SV2B: variants seen among roughly 807,000 people sequenced by gnomAD.
SV2B encodes solute carrier family 22 member B2.
A neutral mutation model predicts 73.9 loss-of-function variants in SV2B; 41 were observed. The observed-to-expected ratio is 0.56, with a 90% CI of 0.43 to 0.72. The LOEUF is 0.72. Ranked by LOEUF, SV2B falls within the 30% of genes least tolerant of loss-of-function variation. The pLI, the probability that SV2B is intolerant of heterozygous loss-of-function variation, is 0.00. For missense variants in SV2B, 764 were observed against 857.8 expected (o/e 0.89, Z 1.37); for synonymous variants, 314 against 314.2 (o/e 1.00, Z 0.01).
intron 1 of SV2B, among the ~76,000 whole-genome samples, chr15:91,209,902 C>A (rs1434320041): frequency 6.6e-6 from 1 of 152,228 alleles, no homozygotes; most frequent in African/African-American, 2.4e-5. Context: ...AAACACTAGG[C>A]TTTAGCACTA....
At chr15:91,277,793 A>G (rs2048541868) in intron 9 of SV2B, among the ~76,000 whole-genome samples, 1 of 152,178 alleles carries the variant, frequency 6.6e-6, no homozygotes, top group Non-Finnish European at 1.5e-5. Flanking sequence ...TTATATATGA[A>G]TTTGTTCTAC....
At position 91,266,657 on chromosome 15, in the gene SV2B, C is replaced by T. The variant is rs764917348; in HGVS notation, c.1084C>T (p.Arg362Cys). ...IQSSTGTWYQ[R>C]WLVRFKTIFK... ...AAGTTCAACAGGAACCTGGTACCAG[C>T]GCTGGCTGGTCAGATTCAAGACCAT... is the stretch of plus-strand genomic sequence containing the variant. Residue 362 changes from arginine to cysteine, a missense_variant, in exon 7 of 13, where the codon CGC becomes TGC. Arg to Cys is a radical substitution (Grantham distance 180). Transcript: ENST00000394232. 23 of 1,614,026 alleles carry T rather than the reference C, an allele frequency of 1.4e-5. No individual in the cohort carries two copies. Among genetic ancestry groups the T allele is most frequent in the East Asian group, 4.5e-5 (2 of 44,880 alleles).
Position 91,111,494 on chromosome 15 carries a change from A to G in SV2B, c.-392+11131A>G, listed in dbSNP as rs187016217. ...GAGAGTGAGGCTGGAAGCCGTTGCTATTGCTGCATGAGGAAAGAAGACGGG... is the reference window on the plus strand; with the variant it reads ...GAGAGTGAGGCTGGAAGCCGTTGCTGTTGCTGCATGAGGAAAGAAGACGGG... On this transcript the variant is annotated intron_variant, in intron 1 of 12. Transcript: ENST00000394232. 2.0e-5 allele frequency among the ~76,000 whole-genome samples: 3 copies of G among 152,270 alleles called. No individual in the cohort carries two copies. The East Asian group carries it at 5.8e-4, about 29-fold the overall frequency.
intron 1 of SV2B, among the ~76,000 whole-genome samples, chr15:91,199,540 T>C (rs1029337527): frequency 6.6e-6 from 1 of 152,192 alleles, no homozygotes. Context: ...TCTGGGCAGA[T>C]GTTAGGCCCT....
At chr15:91,161,597 A>C (rs556807580) in intron 1 of SV2B, among the ~76,000 whole-genome samples, 2 of 152,206 alleles carry the variant, frequency 1.3e-5, no homozygotes, top group African/African-American at 4.8e-5. Context: ...TCTCACAACA[A>C]CACTGGGATG....
chr15:91,248,528 A>G (rs2047346752), intron 2 of SV2B, among the ~76,000 whole-genome samples: 1 of 152,234 alleles, frequency 6.6e-6, no homozygotes, highest in Admixed American at 6.5e-5. Flanking sequence ...TAATCGGTTT[A>G]TAAATGAGGT....
At position 91,106,882 on chromosome 15, in the gene SV2B, C is replaced by G. The variant is rs777751914; in HGVS notation, c.-392+6519C>G. On this transcript the variant is annotated intron_variant, in intron 1 of 12. Coordinates refer to ENST00000394232, the MANE Select transcript of SV2B (RefSeq NM_001323032.3). This position sits in a 1 kb window ranked among gnomAD's most constrained non-coding sequence, Gnocchi z 4.4. ...TCTACAGTAGCTTGCATAATGTGTT[C>G]CTGTTTATAAAAGGAAGAAATAGGG... 6.6e-6 allele frequency among the ~76,000 whole-genome samples: 1 copy of G among 152,078 alleles called. No individual in the cohort carries two copies. Among genetic ancestry groups the G allele is most frequent in the Non-Finnish European group, 1.5e-5 (1 of 68,012 alleles).
rs2042140592 is a variant in SV2B, at chr15:91,115,084, T to A, written c.-392+14721T>A. Among the ~76,000 whole-genome samples the A allele has an allele frequency of 6.6e-6, 1 of 151,760 alleles. No individual in the cohort carries two copies. The highest frequency in any genetic ancestry group is 1.5e-5 in the Non-Finnish European group (1 of 67,950). ...AGTTTCTTAAAGGAACACTGGAGAG[T>A]TGTTACTGAAAGAAGGGGACATAGG... On this transcript the variant is annotated intron_variant, in intron 1 of 12. Coordinates refer to ENST00000394232, the MANE Select transcript of SV2B (RefSeq NM_001323032.3). The surrounding 1 kb of genome is among the most constrained non-coding windows in gnomAD (Gnocchi z 4.3).
Position 91,252,440 on chromosome 15 carries a change from A to T in SV2B, c.704A>T (p.His235Leu). 6.2e-7 allele frequency: 1 copy of T among 1,612,944 alleles called. No homozygotes were observed. Among genetic ancestry groups the T allele is most frequent in the Non-Finnish European group, 8.5e-7 (1 of 1,179,500 alleles). ...EFLSREKRGE[H>L]LSWLGIFWMT... ...TTGTCTCGGGAGAAGCGAGGAGAAC[A>T]CCTCAGTTGGCTGGGCATCTTCTGG... The change falls in exon 4 of 13, where the codon CAC (histidine) becomes CTC (leucine). Residue 235 changes from histidine (H) to leucine (L), a missense_variant. Physicochemically the swap from His to Leu is moderately conservative, Grantham distance 99. Transcript: ENST00000394232. This position sits in a 1 kb window ranked among gnomAD's most constrained non-coding sequence, Gnocchi z 4.6.
chr15:91,267,474 A>T lies in SV2B; in HGVS notation c.1120-81A>T. 1 of 1,253,836 alleles carries T rather than the reference A, an allele frequency of 8.0e-7. No homozygotes were observed. The highest frequency in any genetic ancestry group is 1.1e-6 in the Non-Finnish European group (1 of 870,352). 77.7% of individuals were successfully genotyped at this position (1,253,836 alleles called of 1,614,324 possible). A position where few individuals can be genotyped will look rare whatever the true frequency, so the allele number is the denominator to read the frequency against. ...GGGTTCCTAGGCAACTTATTAGAAT[A>T]TCTGAGTAATGAGCTCTTCGTGGGA... On this transcript the variant is annotated intron_variant, in intron 7 of 12. Transcript: ENST00000394232. This position sits in a 1 kb window ranked among gnomAD's most constrained non-coding sequence, Gnocchi z 4.3.
intron 1 of SV2B, among the ~76,000 whole-genome samples, chr15:91,217,610 G>A (rs1035769600): frequency 1.3e-5 from 2 of 151,240 alleles, no homozygotes; most frequent in East Asian, 1.9e-4. Flanking sequence ...AAAACAAATG[G>A]CTAATCAGCT....
rs1367075308 is a variant in SV2B, at chr15:91,288,020, C to T, written c.1709-1501C>T. On this transcript the variant is annotated intron_variant, in intron 11 of 12. Transcript: ENST00000394232. This position sits in a 1 kb window ranked among gnomAD's most constrained non-coding sequence, Gnocchi z 5.8. ...GGGGAGGAGTTGGGGAGGGGTACTC[C>T]AGCCACCTTCCCCTCCCAACTGATA... Among the ~76,000 whole-genome samples the T allele has an allele frequency of 1.3e-5, 2 of 152,120 alleles. No homozygotes were observed. Among genetic ancestry groups the T allele is most frequent in the African/African-American group, 4.8e-5 (2 of 41,408 alleles).
chr15:91,159,668 G>A (rs949701748), intron 1 of SV2B, among the ~76,000 whole-genome samples: 3 of 152,098 alleles, frequency 2.0e-5, no homozygotes, highest in African/African-American at 7.2e-5. Context: ...TGTTATCATG[G>A]CATCATTTGA....
chr15:91,164,235 A>C (rs917117408), intron 1 of SV2B, among the ~76,000 whole-genome samples: 1 of 152,194 alleles, frequency 6.6e-6, no homozygotes, highest in Non-Finnish European at 1.5e-5. Flanking sequence ...TCTTTGCAGA[A>C]CTGGAAAAAA....
chr15:91,302,130 T>C lies in SV2B; in HGVS notation c.*9578T>C, dbSNP rs186590721. Among the ~76,000 whole-genome samples the C allele has an allele frequency of 1.3e-5, 2 of 152,356 alleles. No individual in the cohort carries two copies. The highest frequency in any genetic ancestry group is 2.1e-4 in the South Asian group (1 of 4,828). On this transcript the variant is annotated 3_prime_UTR_variant, in exon 13 of 13. Coordinates refer to ENST00000394232, the MANE Select transcript of SV2B (RefSeq NM_001323032.3). ...CCTAATAAAACCCTCATTTTCCCTA[T>C]GCATTGTGACTAACACAGTATTTGA...
chr15:91,108,662 G>A (rs1392596863), intron 1 of SV2B, among the ~76,000 whole-genome samples: 1 of 152,202 alleles, frequency 6.6e-6, no homozygotes, highest in Non-Finnish European at 1.5e-5. Flanking sequence ...GTACTCAGCA[G>A]CTAATGTTAC....
chr15:91,284,112 T>A lies in SV2B; in HGVS notation c.1599T>A (p.Asp533Glu). ...KEGCHMDLEQDNDFLIYLVSF... is the reference protein window; with the variant it reads ...KEGCHMDLEQENDFLIYLVSF... ...GCTGCCACATGGACTTGGAGCAAGATAATGACTTCCTGATTTACCTCGTCA... is the reference window on the plus strand; with the variant it reads ...GCTGCCACATGGACTTGGAGCAAGAAAATGACTTCCTGATTTACCTCGTCA... Residue 533 changes from aspartate to glutamate, a missense_variant, in exon 11 of 13, where the codon GAT becomes GAA. Coordinates refer to ENST00000394232, the MANE Select transcript of SV2B (RefSeq NM_001323032.3). This position sits in a 1 kb window ranked among gnomAD's most constrained non-coding sequence, Gnocchi z 4.5. 1 of 1,614,208 alleles carries A rather than the reference T, an allele frequency of 6.2e-7. No homozygotes were observed. Among genetic ancestry groups the A allele is most frequent in the Non-Finnish European group, 8.5e-7 (1 of 1,180,030 alleles).
At chr15:91,263,572 A>T (rs1596729358) in intron 6 of SV2B, among the ~76,000 whole-genome samples, 1 of 151,902 alleles carries the variant, frequency 6.6e-6, no homozygotes. Flanking sequence ...AGACACACAC[A>T]GACACAGACA....
Position 91,251,924 on chromosome 15 carries a change from C to T in SV2B, c.557C>T (p.Ala186Val), listed in dbSNP as rs1015476941. The change falls in exon 3 of 13, where the codon GCC (alanine) becomes GTC (valine). Residue 186 changes from alanine (A) to valine (V), a missense_variant. Ala to Val is a moderately conservative substitution (Grantham distance 64). Transcript: ENST00000394232. ...RVLSMSLAVN[A>V]SFASLSSFVQ... ...CTCAGCATGTCTCTGGCCGTCAATG[C>T]CTCCTTCGCCTCCCTCTCTTCCTTC... is the stretch of plus-strand genomic sequence containing the variant. 1.9e-6 allele frequency: 3 copies of T among 1,614,040 alleles called. No individual in the cohort carries two copies. Among genetic ancestry groups the T allele is most frequent in the African/African-American group, 2.7e-5 (2 of 74,898 alleles).
Sources: gnomAD v4.1 joint callset for allele counts (sites outside exome capture counted in the v4.1 genomes callset) on GRCh38, gnomAD v4.1.1 for gene constraint, Gnocchi (gnomAD v3.1) non-coding constraint, MANE v1.5 for transcripts, NCBI Gene and HGNC (gene_info 2026-07-23, HGNC 2026-07-21) for gene names.